Variants in AGK observed in about 807,000 individuals in gnomAD.
The protein encoded by AGK is acylglycerol kinase, mitochondrial.
Under a neutral mutation model 66.4 loss-of-function variants are expected in AGK, and 52 were observed. That is an observed-to-expected ratio of 0.78 (90% CI 0.63 to 0.99). The LOEUF is 0.99. Among genes scored for constraint, AGK ranks in the 50% least tolerant of loss-of-function variants. The pLI is 0.00. For missense variants in AGK, 451 were observed against 506.6 expected (o/e 0.89, Z 1.05); for synonymous variants, 182 against 181.1 (o/e 1.00, Z -0.04).
At chr7:141,565,558 G>A (rs528129218) in intron 2 of AGK, among the ~76,000 whole-genome samples, 20 of 151,996 alleles carry the variant, frequency 1.3e-4, no homozygotes, top group African/African-American at 3.6e-4. Flanking sequence ...GGAGAATCTC[G>A]TGAACCCAGG....
intron 11 of AGK, among the ~76,000 whole-genome samples, chr7:141,639,067 C>T (rs1797232036): frequency 6.6e-6 from 1 of 152,086 alleles, no homozygotes; most frequent in African/African-American, 2.4e-5. Flanking sequence ...AGAATACTAA[C>T]ATAGAAGCCA....
At chr7:141,573,920 C>T (rs1439607169) in intron 2 of AGK, among the ~76,000 whole-genome samples, 1 of 152,060 alleles carries the variant, frequency 6.6e-6, no homozygotes, top group Non-Finnish European at 1.5e-5. Context: ...TGGTATGCTG[C>T]ACCCATTAAC....
At chr7:141,591,092 T>G (rs1422113934) in intron 2 of AGK, among the ~76,000 whole-genome samples, 29 of 133,466 alleles carry the variant, frequency 2.2e-4, no homozygotes, top group Admixed American at 1.7e-3. Context: ...GTTTTTTTTT[T>G]TTTTTTTTTT....
chr7:141,649,020 C>T (rs1797483920), intron 13 of AGK: 2 of 363,190 alleles, frequency 5.5e-6, no homozygotes, highest in Non-Finnish European at 9.5e-6. Context: ...GTTTTGTTTG[C>T]TTATGTAGTA....
At chr7:141,612,125 A>G (rs1198151734) in intron 6 of AGK, among the ~76,000 whole-genome samples, 2 of 152,240 alleles carry the variant, frequency 1.3e-5, no homozygotes, top group Non-Finnish European at 2.9e-5. Flanking sequence ...TATTCAGACA[A>G]TAGGTATTAT....
At chr7:141,599,700 G>A (rs1335855448) in intron 4 of AGK, among the ~76,000 whole-genome samples, 2 of 152,110 alleles carry the variant, frequency 1.3e-5, no homozygotes, top group Non-Finnish European at 2.9e-5. Flanking sequence ...ACCCTGGAAG[G>A]AGAATTGTTT....
intron 2 of AGK, among the ~76,000 whole-genome samples, chr7:141,580,746 G>A (rs1277391098): frequency 6.6e-6 from 1 of 152,038 alleles, no homozygotes; most frequent in Non-Finnish European, 1.5e-5. Flanking sequence ...AGGTCAAGTT[G>A]TTTGGATAAA....
chr7:141,646,614 G>A (rs1159385867), intron 13 of AGK, among the ~76,000 whole-genome samples: 1 of 152,130 alleles, frequency 6.6e-6, no homozygotes, highest in Non-Finnish European at 1.5e-5. Flanking sequence ...CTATCCTGCT[G>A]CCTGTATTTG....
At chr7:141,568,694 C>T (rs1181930313) in intron 2 of AGK, among the ~76,000 whole-genome samples, 3 of 152,016 alleles carry the variant, frequency 2.0e-5, no homozygotes, top group African/African-American at 7.3e-5. Context: ...GCCTCAGCCT[C>T]CTGAGTAGCT....
chr7:141,613,567 C>G (rs530350206), intron 6 of AGK, among the ~76,000 whole-genome samples: 1 of 152,100 alleles, frequency 6.6e-6, no homozygotes, highest in Non-Finnish European at 1.5e-5. Flanking sequence ...TGCAGTGAGC[C>G]GAGATCATGC....
intron 8 of AGK, among the ~76,000 whole-genome samples, chr7:141,618,642 T>C (rs1796760019): frequency 6.6e-6 from 1 of 152,164 alleles, no homozygotes; most frequent in African/African-American, 2.4e-5. Flanking sequence ...AAAAGTTTTT[T>C]TTGTTTGTTT....
intron 15 of AGK, 152 bp from the exon 16 acceptor site, chr7:141,652,635 C>A: frequency 1.4e-6 from 1 of 716,150 alleles, no homozygotes. Context: ...GTAGTAGGCA[C>A]TGAATTTTTT....
At chr7:141,585,962 A>G (rs1270916923) in intron 2 of AGK, among the ~76,000 whole-genome samples, 1 of 152,122 alleles carries the variant, frequency 6.6e-6, no homozygotes, top group East Asian at 1.9e-4. Context: ...AGAAGACAGC[A>G]TGGTGTAGTG....
chr7:141,638,879 G>A (rs1446358465), intron 11 of AGK, among the ~76,000 whole-genome samples: 1 of 152,300 alleles, frequency 6.6e-6, no homozygotes, highest in East Asian at 1.9e-4. Context: ...TCGGAATTCA[G>A]CAGAGAGGTC....
At position 141,641,935 on chromosome 7, in the gene AGK, C is replaced by T. The variant is rs531194792; in HGVS notation, c.975+27C>T. On this transcript the variant is annotated intron_variant, in intron 13 of 15. Transcript: ENST00000649286. Reference sequence around the variant, plus strand: ...TAAGTGTGCTTTTTTATTAGAAAAGCATTTGGTACCTAAGAAAAGTGACAA... The same window carrying T: ...TAAGTGTGCTTTTTTATTAGAAAAGTATTTGGTACCTAAGAAAAGTGACAA... 32 of 1,533,660 alleles carry T rather than the reference C, an allele frequency of 2.1e-5. No homozygotes were observed. The South Asian group carries it at 3.7e-4, about 18-fold the overall frequency.
At chr7:141,633,341 G>A (rs1396856061) in intron 9 of AGK, among the ~76,000 whole-genome samples, 1 of 152,154 alleles carries the variant, frequency 6.6e-6, no homozygotes, top group Non-Finnish European at 1.5e-5. Flanking sequence ...TTAATTCACT[G>A]ATTTATTAGA....
chr7:141,631,955 G>A (rs973357195), intron 9 of AGK, among the ~76,000 whole-genome samples: 7 of 152,100 alleles, frequency 4.6e-5, no homozygotes, highest in South Asian at 2.1e-4. Context: ...AATCCTGGGT[G>A]TGGTGGCTCA....
chr7:141,603,324 G>C (rs1016871726), intron 5 of AGK, among the ~76,000 whole-genome samples: 2 of 152,156 alleles, frequency 1.3e-5, no homozygotes, highest in African/African-American at 4.8e-5. Context: ...TAGGTCATTA[G>C]ATGCACTAAA....
At chr7:141,647,820 G>A (rs1485266332) in intron 13 of AGK, among the ~76,000 whole-genome samples, 1 of 152,060 alleles carries the variant, frequency 6.6e-6, no homozygotes, top group African/African-American at 2.4e-5. Flanking sequence ...ACAGGCGCCC[G>A]CCACCACACC....
Sources: gnomAD v4.1 joint callset for allele counts (sites outside exome capture counted in the v4.1 genomes callset) on GRCh38, gnomAD v4.1.1 for gene constraint, MANE v1.5 for transcripts, NCBI Gene and HGNC (gene_info 2026-07-23, HGNC 2026-07-21) for gene names.